Variants in DAB1 observed in about 807,000 individuals in gnomAD.
The protein encoded by DAB1 is DAB adaptor protein 1, also known as disabled homolog 1.
DAB1 carries 15 observed loss-of-function variants against 64.6 expected under a neutral mutation model. The ratio of observed to expected loss-of-function variants is 0.23; its 90% CI spans 0.16 to 0.36. DAB1 has a LOEUF of 0.36. Among genes scored for constraint, DAB1 ranks in the 10% least tolerant of loss-of-function variants. The probability of loss-of-function intolerance (pLI) is 1.00; values close to 1 mark genes in which losing one functional copy is unlikely to be tolerated. For synonymous variants in DAB1, 235 were observed against 251.9 expected (o/e 0.93, Z 0.64); for missense variants, 596 against 706.7 (o/e 0.84, Z 1.78).
intron 7 of DAB1, among the ~76,000 whole-genome samples, chr1:57,569,058 A>T (rs1645160090): frequency 1.3e-5 from 2 of 151,142 alleles, no homozygotes; most frequent in South Asian, 4.2e-4. Context: ...GGAGATCGAG[A>T]CCATCCTGGC....
At chr1:58,010,824 C>T (rs1422469585) in intron 5 of DAB1, among the ~76,000 whole-genome samples, 2 of 152,218 alleles carry the variant, frequency 1.3e-5, no homozygotes, top group Non-Finnish European at 2.9e-5. Flanking sequence ...TTATTCCACA[C>T]TCTCTGGGAA....
At chr1:57,798,893 A>G (rs1326512709) in intron 6 of DAB1, among the ~76,000 whole-genome samples, 1 of 152,226 alleles carries the variant, frequency 6.6e-6, no homozygotes, top group Non-Finnish European at 1.5e-5. Flanking sequence ...ATATGCCTAT[A>G]CACATTCATG....
At chr1:58,480,925 G>A (rs1645469349) in intron 3 of DAB1, 1 of 826,312 alleles carries the variant, frequency 1.2e-6, no homozygotes, top group Non-Finnish European at 2.1e-6. Flanking sequence ...GATAAGGACT[G>A]CAACATTCTT....
intron 5 of DAB1, among the ~76,000 whole-genome samples, chr1:58,050,165 G>T (rs185535303): frequency 3.6e-4 from 55 of 152,266 alleles, no homozygotes; most frequent in African/African-American, 1.3e-3. Flanking sequence ...TTGAGCATCT[G>T]AAAGTAATAC....
chr1:57,129,410 T>A (rs1657448956), intron 4 of DAB1, among the ~76,000 whole-genome samples: 1 of 152,134 alleles, frequency 6.6e-6, no homozygotes, highest in African/African-American at 2.4e-5. Flanking sequence ...CCTTAAAGGT[T>A]CTATCTATTT....
intron 6 of DAB1, among the ~76,000 whole-genome samples, chr1:57,707,097 AAAC>A (rs1292669838): frequency 6.6e-6 from 1 of 151,814 alleles, no homozygotes; most frequent in Non-Finnish European, 1.5e-5. Flanking sequence ...ACAAACAAAA[AAAC>A]CCCCCAAAAA....
intron 6 of DAB1, among the ~76,000 whole-genome samples, chr1:57,695,373 A>AAAGGAAGGAAGGAAAG (rs1646823727): frequency 1.9e-5 from 1 of 53,794 alleles, no homozygotes; most frequent in Non-Finnish European, 3.4e-5. Flanking sequence ...AGAAAGAAAG[A>AAAGGAAGGAAGGAAAG]AAGAAAGAAA....
At chr1:58,070,897 G>A (rs563998622) in intron 5 of DAB1, among the ~76,000 whole-genome samples, 1 of 152,274 alleles carries the variant, frequency 6.6e-6, no homozygotes, top group South Asian at 2.1e-4. Context: ...AATTAAGTGT[G>A]GAAATGTTGA....
chr1:58,488,417 CA>C (rs1412952063), intron 3 of DAB1, among the ~76,000 whole-genome samples: 3 of 152,130 alleles, frequency 2.0e-5, no homozygotes, highest in Non-Finnish European at 4.4e-5. Context: ...GATTCTGGTA[CA>C]CCCATCACTC....
intron 2 of DAB1, among the ~76,000 whole-genome samples, chr1:57,179,251 C>T (rs1662657191): frequency 6.6e-6 from 1 of 152,140 alleles, no homozygotes; most frequent in South Asian, 2.1e-4. Flanking sequence ...GAGGCCCCCA[C>T]TGCTTGTATT....
chr1:58,456,721 T>C (rs1307463789), intron 3 of DAB1, among the ~76,000 whole-genome samples: 1 of 152,192 alleles, frequency 6.6e-6, no homozygotes, highest in Non-Finnish European at 1.5e-5. Flanking sequence ...TCCAGCTACA[T>C]ATAAGCTCCA....
At chr1:57,040,306 AGAT>A (rs967779462) in intron 9 of DAB1, among the ~76,000 whole-genome samples, 8 of 152,136 alleles carry the variant, frequency 5.3e-5, no homozygotes. Context: ...ATAAAAACAG[AGAT>A]GATGATATAG....
At chr1:57,532,754 T>C (rs1351790709) in intron 7 of DAB1, among the ~76,000 whole-genome samples, 25 of 152,268 alleles carry the variant, frequency 1.6e-4, no homozygotes. Context: ...GGAGCCTCAT[T>C]TAAAGGGCAG....
At chr1:57,388,804 A>C (rs1682101149) in intron 1 of DAB1, among the ~76,000 whole-genome samples, 1 of 151,024 alleles carries the variant, frequency 6.6e-6, no homozygotes, top group East Asian at 1.9e-4. Context: ...TCACTCTCCT[A>C]CTCCATGACC....
intron 9 of DAB1, among the ~76,000 whole-genome samples, chr1:57,041,041 T>A (rs1216826491): frequency 1.3e-5 from 2 of 151,956 alleles, no homozygotes; most frequent in African/African-American, 2.4e-5. Flanking sequence ...CAAGCAAGAG[T>A]AGCACAGGCT....
At chr1:57,159,350 T>C (rs1660523093) in intron 2 of DAB1, among the ~76,000 whole-genome samples, 1 of 152,184 alleles carries the variant, frequency 6.6e-6, no homozygotes, top group Non-Finnish European at 1.5e-5. Context: ...TTTTCTAGTT[T>C]CTCTGAGGAA....
At chr1:57,810,256 T>G (rs1651554978) in intron 6 of DAB1, among the ~76,000 whole-genome samples, 1 of 152,122 alleles carries the variant, frequency 6.6e-6, no homozygotes, top group Non-Finnish European at 1.5e-5. Context: ...GGGGGCTCCT[T>G]AAGAGAAGAG....
At chr1:57,644,716 A>G (rs1182714801) in intron 7 of DAB1, among the ~76,000 whole-genome samples, 2 of 151,940 alleles carry the variant, frequency 1.3e-5, no homozygotes, top group African/African-American at 4.8e-5. Flanking sequence ...TTTATTTACT[A>G]GAGAGATTTG....
At chr1:57,173,004 C>T (rs1661940655) in intron 2 of DAB1, among the ~76,000 whole-genome samples, 1 of 152,174 alleles carries the variant, frequency 6.6e-6, no homozygotes, top group Non-Finnish European at 1.5e-5. Context: ...GGTGCCTAGT[C>T]TACCTGTTGC....
Sources: allele counts gnomAD v4.1 joint callset (sites outside exome capture counted in the v4.1 genomes callset), GRCh38; gene constraint gnomAD v4.1.1; transcripts MANE v1.5; gene names NCBI Gene and HGNC (gene_info 2026-07-23, HGNC 2026-07-21).